SPSB1: variants seen among roughly 807,000 people sequenced by gnomAD.
SPSB1 encodes splA/ryanodine receptor domain and SOCS box containing 1.
In SPSB1, 8 loss-of-function variants were observed where a neutral mutation model predicts 21.2. The observed-to-expected ratio is 0.38, with a 90% CI of 0.22 to 0.68. The LOEUF (loss-of-function observed/expected upper bound fraction) is 0.68, where lower values mean the gene tolerates loss of function less well. SPSB1 is among the 30% of genes least tolerant of loss of function. SPSB1 has a pLI of 0.53. For synonymous variants in SPSB1, 169 were observed against 161.7 expected, an observed-to-expected ratio of 1.05 and a Z score of -0.34; for missense variants, 242 against 377.8, an observed-to-expected ratio of 0.64 and a Z score of 2.98.
At chr1:9,335,146 C>T (rs1639984042) in intron 1 of SPSB1, among the ~76,000 whole-genome samples, 1 of 150,992 alleles carries the variant, frequency 6.6e-6, no homozygotes, top group South Asian at 2.2e-4. Flanking sequence ...CTGTAAAATG[C>T]ACCATTTTGT....
intron 1 of SPSB1, among the ~76,000 whole-genome samples, chr1:9,319,861 C>T (rs928024454): frequency 6.6e-6 from 1 of 152,218 alleles, no homozygotes; most frequent in Middle Eastern, 3.4e-3. Flanking sequence ...CTGGCCCAGC[C>T]AGTCGCCACC....
intron 1 of SPSB1, among the ~76,000 whole-genome samples, chr1:9,326,991 C>T (rs1430281447): frequency 2.0e-5 from 3 of 152,244 alleles, no homozygotes; most frequent in South Asian, 2.1e-4. Context: ...ACCTGGATCC[C>T]GAGAACCCCA....
In SPSB1 at chr1:9,356,056, A is replaced by G; in HGVS notation, c.165A>G (p.Ser55=). 1.9e-6 allele frequency: 3 copies of G among 1,614,026 alleles called. No individual in the cohort carries two copies. The highest frequency in any genetic ancestry group is 1.1e-5 in the South Asian group (1 of 91,070). The change falls in exon 2 of 3, where the codon TCA becomes TCG. Residue 55 remains serine (S), a synonymous_variant. Transcript: ENST00000328089. The surrounding 1 kb of genome is among the most constrained non-coding windows in gnomAD (Gnocchi z 7.4). ...PVSYDVQLLH[S]WNNNDRSLNV... is the part of the protein sequence containing the mutation. The stretch of plus-strand genomic sequence containing the variant: ...CCTATGATGTCCAGCTGCTGCATTC[A>G]TGGAACAACAACGACCGATCGCTCA...
At chr1:9,302,681 T>G (rs193079461) in intron 1 of SPSB1, among the ~76,000 whole-genome samples, 41 of 152,294 alleles carry the variant, frequency 2.7e-4, no homozygotes, top group Non-Finnish European at 5.1e-4. Flanking sequence ...AGCAGCTGAC[T>G]TGAAAGAAGG....
chr1:9,297,447 A>T (rs1639244412), intron 1 of SPSB1, among the ~76,000 whole-genome samples: 1 of 152,066 alleles, frequency 6.6e-6, no homozygotes, highest in Non-Finnish European at 1.5e-5. Context: ...CAATCTGGTC[A>T]CACCCTTTCC....
chr1:9,302,620 C>A (rs985525921), intron 1 of SPSB1, among the ~76,000 whole-genome samples: 2 of 152,154 alleles, frequency 1.3e-5, no homozygotes, highest in African/African-American at 4.8e-5. Context: ...CGAGTGGTCT[C>A]CGGAGTCTTT....
intron 1 of SPSB1, among the ~76,000 whole-genome samples, chr1:9,331,985 A>G (rs1180313264): frequency 6.6e-6 from 1 of 152,106 alleles, no homozygotes; most frequent in Non-Finnish European, 1.5e-5. Context: ...AATGTGCCAA[A>G]CTGTTGACAG....
At chr1:9,312,543 T>A (rs1257215009) in intron 1 of SPSB1, among the ~76,000 whole-genome samples, 1 of 152,194 alleles carries the variant, frequency 6.6e-6, no homozygotes, top group African/African-American at 2.4e-5. Context: ...TTTTTCTCCC[T>A]ACCTCAGCAT....
At position 9,342,718 on chromosome 1, in the gene SPSB1, A is replaced by G. The variant is rs140655442; in HGVS notation, c.-149-13025A>G. Among the ~76,000 whole-genome samples the G allele has an allele frequency of 3.3e-4, 50 of 152,296 alleles. 1 individual carries two copies. In the East Asian group the frequency reaches 8.9e-3, roughly 27 times the overall value. On this transcript the variant is annotated intron_variant, in intron 1 of 2. Coordinates refer to ENST00000328089, the MANE Select transcript of SPSB1 (RefSeq NM_025106.4). ...GGGCACACATCCGAGATGCAGGCAC[A>G]CATCCCGGACTCCTCCGGAGAAACT... is the stretch of plus-strand genomic sequence containing the variant.
chr1:9,362,109 A>T (rs553128401), intron 2 of SPSB1, among the ~76,000 whole-genome samples: 1 of 151,926 alleles, frequency 6.6e-6, no homozygotes, highest in Admixed American at 6.6e-5. Flanking sequence ...TCCTTCCTGC[A>T]CTCCACTCCA....
At chr1:9,361,159 T>TTTTTTTTTTTTTTTTTTTC (rs1557467292) in intron 2 of SPSB1, among the ~76,000 whole-genome samples, 7,539 of 32,436 alleles carry the variant, frequency 0.23, 791 homozygotes, top group East Asian at 0.42. Context: ...TCATTTTCTT[T>TTTTTTTTTTTTTTTTTTTC]TTTTTTTTTT....
In SPSB1 at chr1:9,317,349, C is replaced by T. The variant is rs4908840; in HGVS notation, c.-150+24278C>T. On this transcript the variant is annotated intron_variant, in intron 1 of 2. Transcript: ENST00000328089. This position sits in a 1 kb window ranked among gnomAD's most constrained non-coding sequence, Gnocchi z 4.3. ...AACCACTGGGAGCTTTGATGATACCCGGTATATAGTAAGTGCTTGATAAAA... is the reference window on the plus strand; with the variant it reads ...AACCACTGGGAGCTTTGATGATACCTGGTATATAGTAAGTGCTTGATAAAA... 1.2e-4 allele frequency among the ~76,000 whole-genome samples: 19 copies of T among 152,074 alleles called. No homozygotes were observed. Among genetic ancestry groups the T allele is most frequent in the Admixed American group, 3.3e-4 (5 of 15,264 alleles).
chr1:9,354,122 C>T (rs1367203500), intron 1 of SPSB1, among the ~76,000 whole-genome samples: 1 of 152,176 alleles, frequency 6.6e-6, no homozygotes, highest in Non-Finnish European at 1.5e-5. Flanking sequence ...TCTAGGCCAG[C>T]CCCACTGCAG....
intron 1 of SPSB1, among the ~76,000 whole-genome samples, chr1:9,319,763 C>A (rs1288323631): frequency 6.6e-6 from 1 of 152,142 alleles, no homozygotes; most frequent in African/African-American, 2.4e-5. Flanking sequence ...ACAGGGAAGT[C>A]GGCCTGGGGT....
intron 2 of SPSB1, among the ~76,000 whole-genome samples, chr1:9,358,044 G>A (rs1640403772): frequency 6.6e-6 from 1 of 152,144 alleles, no homozygotes. Context: ...CCCCACCAGA[G>A]GTCAGGAATA....
At chr1:9,297,969 G>C (rs1042713786) in intron 1 of SPSB1, among the ~76,000 whole-genome samples, 1 of 152,164 alleles carries the variant, frequency 6.6e-6, no homozygotes, top group African/African-American at 2.4e-5. Flanking sequence ...AGTGGGAGCC[G>C]CAGTCACTCA....
intron 1 of SPSB1, among the ~76,000 whole-genome samples, chr1:9,337,122 A>G (rs1640016535): frequency 6.6e-6 from 1 of 152,066 alleles, no homozygotes; most frequent in Non-Finnish European, 1.5e-5. Context: ...AGAGATGACA[A>G]GGGGCCTACA....
chr1:9,359,296 A>G (rs903846872), intron 2 of SPSB1, among the ~76,000 whole-genome samples: 6 of 152,292 alleles, frequency 3.9e-5, no homozygotes, highest in Middle Eastern at 3.4e-3. Context: ...GCACTGTCAC[A>G]ACTCCGCTGC....
chr1:9,330,168 A>G lies in SPSB1; in HGVS notation c.-149-25575A>G, dbSNP rs569038788. On this transcript the variant is annotated intron_variant, in intron 1 of 2. Transcript: ENST00000328089. ...AGAATCTGAATGACACCTGATATGT[A>G]CACATAAAGATGTACCAGGCTGGGC... is the stretch of plus-strand genomic sequence containing the variant. 2.6e-5 allele frequency among the ~76,000 whole-genome samples: 4 copies of G among 152,310 alleles called. No individual in the cohort carries two copies. The South Asian group carries it at 8.3e-4, about 32-fold the overall frequency.
Sources: allele counts gnomAD v4.1 joint callset (sites outside exome capture counted in the v4.1 genomes callset), GRCh38; gene constraint gnomAD v4.1.1; non-coding constraint Gnocchi (gnomAD v3.1); transcripts MANE v1.5; gene names NCBI Gene and HGNC (gene_info 2026-07-23, HGNC 2026-07-21).